IL1RAPL1: variants seen among roughly 807,000 people sequenced by gnomAD.
IL1RAPL1 encodes the protein interleukin-1 receptor accessory protein-like 1.
Under a neutral mutation model 48.4 loss-of-function variants are expected in IL1RAPL1, and 3 were observed. The observed-to-expected ratio is 0.06, with a 90% CI of 0.03 to 0.16. IL1RAPL1 has a LOEUF of 0.16. Among genes scored for constraint, IL1RAPL1 ranks in the 10% least tolerant of loss-of-function variants. The pLI is 1.00. For missense variants in IL1RAPL1, 349 were observed against 530.6 expected (o/e 0.66, Z 3.36); for synonymous variants, 185 against 187.7 (o/e 0.99, Z 0.12).
intron 6 of IL1RAPL1, among the ~76,000 whole-genome samples, chrX:29,790,077 G>C (rs1929596514): frequency 9.0e-6 from 1 of 111,110 alleles, no homozygotes; most frequent in Non-Finnish European, 1.9e-5. Context: ...TAACTCATGA[G>C]GCTAAAGCAA....
intron 7 of IL1RAPL1, 77 bp from the exon 8 acceptor site, chrX:29,919,872 G>C: frequency 3.1e-6 from 3 of 977,159 alleles, no homozygotes; most frequent in Non-Finnish European, 4.4e-6. Flanking sequence ...CATCAGATTC[G>C]GATTCATCTA....
chrX:29,693,959 T>C (rs1014341322), intron 6 of IL1RAPL1, among the ~76,000 whole-genome samples: 2 of 111,801 alleles, frequency 1.8e-5, no homozygotes, highest in Non-Finnish European at 3.8e-5. Flanking sequence ...ATTACTGTCA[T>C]GTAAGATTCG....
chrX:28,846,441 G>A (rs370130001), intron 2 of IL1RAPL1, among the ~76,000 whole-genome samples: 1 of 111,557 alleles, frequency 9.0e-6, no homozygotes, highest in East Asian at 2.8e-4. Flanking sequence ...GGTAAATTCC[G>A]AGGAGTGTGA....
At chrX:29,172,853 T>C (rs1294352900) in intron 2 of IL1RAPL1, among the ~76,000 whole-genome samples, 1 of 111,645 alleles carries the variant, frequency 9.0e-6, no homozygotes, top group Non-Finnish European at 1.9e-5. Context: ...TCATTAAACA[T>C]TGGAGAATCA....
At chrX:29,682,592 G>A (rs1926489989) in intron 6 of IL1RAPL1, among the ~76,000 whole-genome samples, 1 of 111,802 alleles carries the variant, frequency 8.9e-6, no homozygotes, top group African/African-American at 3.3e-5. Context: ...ATATTTTTGT[G>A]TGTCTATTTC....
chrX:29,582,856 A>G (rs6630904), intron 5 of IL1RAPL1, among the ~76,000 whole-genome samples: 13,552 of 64,043 alleles, frequency 0.21, 1,544 homozygotes, highest in South Asian at 0.3. Context: ...ATAAACATAC[A>G]TGTGCATGTG....
chrX:29,173,681 TTAGCATGGCATATGCTACTTCCA>T (rs1174435456), intron 2 of IL1RAPL1, among the ~76,000 whole-genome samples: 1 of 111,505 alleles, frequency 9.0e-6, no homozygotes, highest in Non-Finnish European at 1.9e-5. Context: ...AAATTCAGAA[TTAGCATGGCATATGCTACTTCCA>T]TAGAGTAAGA....
At chrX:29,477,997 A>G (rs906891080) in intron 5 of IL1RAPL1, among the ~76,000 whole-genome samples, 1 of 112,441 alleles carries the variant, frequency 8.9e-6, no homozygotes, top group African/African-American at 3.2e-5. Flanking sequence ...CAACCTCACT[A>G]GCCTTTAAAG....
intron 5 of IL1RAPL1, among the ~76,000 whole-genome samples, chrX:29,409,330 C>G (rs1265579270): frequency 9.0e-6 from 1 of 111,715 alleles, no homozygotes; most frequent in Non-Finnish European, 1.9e-5. Flanking sequence ...ATTTTTGTAA[C>G]TCAAATATCA....
intron 2 of IL1RAPL1, among the ~76,000 whole-genome samples, chrX:29,242,262 T>C (rs780421003): frequency 8.9e-6 from 1 of 112,734 alleles, no homozygotes; most frequent in East Asian, 2.8e-4. Flanking sequence ...TCAATATAGT[T>C]TTATTAACTC....
intron 2 of IL1RAPL1, among the ~76,000 whole-genome samples, chrX:28,826,664 T>G (rs1348760126): frequency 9.0e-6 from 1 of 111,056 alleles, no homozygotes. Context: ...ATGGGAAGGT[T>G]ATATTGTATT....
At chrX:29,011,268 G>T (rs916103030) in intron 2 of IL1RAPL1, among the ~76,000 whole-genome samples, 5 of 111,749 alleles carry the variant, frequency 4.5e-5, no homozygotes, top group African/African-American at 1.6e-4. Flanking sequence ...AGCCATTCAA[G>T]ACCTATGTAT....
At chrX:29,595,990 G>A (rs1224749553) in intron 5 of IL1RAPL1, among the ~76,000 whole-genome samples, 1 of 111,432 alleles carries the variant, frequency 9.0e-6, no homozygotes, top group Non-Finnish European at 1.9e-5. Flanking sequence ...GTTAAATAGG[G>A]TGTCCTTTCC....
At chrX:29,137,300 T>A (rs1015625553) in intron 2 of IL1RAPL1, among the ~76,000 whole-genome samples, 2 of 109,823 alleles carry the variant, frequency 1.8e-5, no homozygotes, top group Non-Finnish European at 3.8e-5. Flanking sequence ...TGGGAGAGTA[T>A]TTTTGCCAAA....
chrX:28,990,019 G>GT (rs1409668860), intron 2 of IL1RAPL1, among the ~76,000 whole-genome samples: 18 of 111,487 alleles, frequency 1.6e-4, no homozygotes, highest in African/African-American at 5.9e-4. Flanking sequence ...AACAACAGAT[G>GT]TATTTTCTGA....
In IL1RAPL1 at chrX:29,753,928, A is replaced by T. The variant is rs1197369574; in HGVS notation, c.778+85424A>T. ...TAATCATGTATGGCTTCTCAAAAGC[A>T]TTTAACACTCTTGACAACTGTCCTC... On this transcript the variant is annotated intron_variant, in intron 6 of 10. Transcript: ENST00000378993. 5.4e-5 allele frequency among the ~76,000 whole-genome samples: 6 copies of T among 112,096 alleles called. 1 individual carries two copies. Among genetic ancestry groups the T allele is most frequent in the Non-Finnish European group, 1.1e-4 (6 of 53,193 alleles).
At chrX:29,096,895 G>C (rs1307114865) in intron 2 of IL1RAPL1, among the ~76,000 whole-genome samples, 10 of 109,837 alleles carry the variant, frequency 9.1e-5, no homozygotes, top group Non-Finnish European at 1.7e-4. Context: ...GTTTCCCAGG[G>C]TGAGAAAGAC....
chrX:29,865,642 T>C (rs1315945296), intron 6 of IL1RAPL1, among the ~76,000 whole-genome samples: 4 of 93,902 alleles, frequency 4.3e-5, no homozygotes, highest in African/African-American at 1.2e-4. Context: ...TTTTCTTTTT[T>C]TTTTTTTTTT....
intron 6 of IL1RAPL1, among the ~76,000 whole-genome samples, chrX:29,804,327 C>A (rs1245670940): frequency 2.7e-5 from 3 of 110,826 alleles, no homozygotes; most frequent in Non-Finnish European, 5.7e-5. Flanking sequence ...AGGGTATGAT[C>A]CATATTCTAT....
Sources: gnomAD v4.1 joint callset for allele counts (sites outside exome capture counted in the v4.1 genomes callset) on GRCh38, gnomAD v4.1.1 for gene constraint, MANE v1.5 for transcripts, NCBI Gene and HGNC (gene_info 2026-07-23, HGNC 2026-07-21) for gene names.